The following SUSD6 variants were observed in gnomAD, a reference collection of about 807,000 sequenced individuals.
The protein encoded by SUSD6 is sushi domain-containing protein 6.
A neutral mutation model predicts 28.4 loss-of-function variants in SUSD6; 16 were observed. The ratio of observed to expected loss-of-function variants is 0.56; its 90% CI spans 0.38 to 0.86. The LOEUF (loss-of-function observed/expected upper bound fraction) is 0.86. Among genes scored for constraint, SUSD6 ranks in the 40% least tolerant of loss-of-function variants. The pLI, the probability that SUSD6 is intolerant of heterozygous loss-of-function variation, is 0.00. For missense variants in SUSD6, 341 were observed against 384.2 expected, an observed-to-expected ratio of 0.89 and a Z score of 0.94; for synonymous variants, 147 against 159.6, an observed-to-expected ratio of 0.92 and a Z score of 0.59.
intron 2 of SUSD6, among the ~76,000 whole-genome samples, chr14:69,668,811 G>A (rs1383022487): frequency 6.6e-6 from 1 of 151,868 alleles, no homozygotes; most frequent in African/African-American, 2.4e-5. Flanking sequence ...GAGTTCACAT[G>A]AGATCTGGTG....
intron 2 of SUSD6, among the ~76,000 whole-genome samples, chr14:69,683,779 G>C (rs920651751): frequency 7.2e-5 from 11 of 152,330 alleles, no homozygotes; most frequent in Admixed American, 7.2e-4. Flanking sequence ...ATGTGTTTTG[G>C]GGGGAAGATT....
chr14:69,687,320 A>G (rs1363814235), intron 2 of SUSD6, among the ~76,000 whole-genome samples: 3 of 152,058 alleles, frequency 2.0e-5, no homozygotes, highest in African/African-American at 7.3e-5. Context: ...CGTGTTGGCC[A>G]GGCTGTTCTC....
At chr14:69,649,599 G>A (rs958266342) in intron 1 of SUSD6, among the ~76,000 whole-genome samples, 8 of 151,928 alleles carry the variant, frequency 5.3e-5, no homozygotes, top group South Asian at 2.1e-4. Flanking sequence ...TCATTCACTC[G>A]AGAAGTATTG....
At chr14:69,680,495 C>T (rs74060273) in intron 2 of SUSD6, among the ~76,000 whole-genome samples, 1,564 of 152,284 alleles carry the variant, frequency 0.01, 27 homozygotes, top group African/African-American at 0.035. Context: ...CAGAATAACT[C>T]TCAGAATCTC....
intron 1 of SUSD6, among the ~76,000 whole-genome samples, chr14:69,655,719 G>T (rs906115564): frequency 1.3e-5 from 2 of 152,008 alleles, no homozygotes; most frequent in African/African-American, 4.8e-5. Context: ...AGGATTGCTT[G>T]AGCCCAGAGG....
At chr14:69,700,576 T>G (rs1248929459) in intron 2 of SUSD6, among the ~76,000 whole-genome samples, 2 of 152,180 alleles carry the variant, frequency 1.3e-5, no homozygotes, top group African/African-American at 4.8e-5. Flanking sequence ...TTCTCAGAAG[T>G]TAACCTACAT....
intron 1 of SUSD6, among the ~76,000 whole-genome samples, chr14:69,646,795 A>G (rs549212882): frequency 8.8e-4 from 121 of 137,422 alleles, no homozygotes; most frequent in African/African-American, 3.3e-3. Flanking sequence ...TCTGCTTCCC[A>G]GGTTCACACC....
At chr14:69,629,224 G>A (rs1273666564) in intron 1 of SUSD6, among the ~76,000 whole-genome samples, 1 of 151,840 alleles carries the variant, frequency 6.6e-6, no homozygotes, top group Non-Finnish European at 1.5e-5. Context: ...AAGAGAGGTT[G>A]GGGGTCCCTT....
intron 1 of SUSD6, among the ~76,000 whole-genome samples, chr14:69,636,764 G>A (rs935118350): frequency 1.3e-5 from 2 of 152,236 alleles, no homozygotes; most frequent in African/African-American, 4.8e-5. Flanking sequence ...TGGGTTCTCA[G>A]AACAGACCTA....
intron 1 of SUSD6, among the ~76,000 whole-genome samples, chr14:69,632,274 G>C (rs1885205960): frequency 6.6e-6 from 1 of 152,160 alleles, no homozygotes; most frequent in South Asian, 2.1e-4. Flanking sequence ...GAGTGGCCAG[G>C]TGGAGGGGTC....
chr14:69,685,787 A>G (rs898967209), intron 2 of SUSD6, among the ~76,000 whole-genome samples: 1 of 152,236 alleles, frequency 6.6e-6, no homozygotes. Context: ...AGCAACTCCA[A>G]GCAGTCTGCT....
intron 2 of SUSD6, among the ~76,000 whole-genome samples, chr14:69,702,238 G>T (rs545383824): frequency 2.0e-5 from 3 of 152,180 alleles, no homozygotes; most frequent in Non-Finnish European, 2.9e-5. Flanking sequence ...GAAAACTTTT[G>T]GTCTTTATTG....
intron 2 of SUSD6, among the ~76,000 whole-genome samples, chr14:69,666,357 A>T (rs1431154876): frequency 6.6e-6 from 1 of 152,144 alleles, no homozygotes; most frequent in African/African-American, 2.4e-5. Context: ...CAGAGCTGAT[A>T]TTCCTCAGGG....
At position 69,711,932 on chromosome 14, in the gene SUSD6, G is replaced by A. The variant is rs1376960337; in HGVS notation, c.*953G>A. On this transcript the variant is annotated 3_prime_UTR_variant, in exon 6 of 6. Coordinates refer to ENST00000342745, the MANE Select transcript of SUSD6 (RefSeq NM_014734.4). Reference sequence around the variant, plus strand: ...TTCTTGCTGCCCACAGGGGCCTGGGGCAGGAAGGAGACTTGCTGAGATGCC... The same window carrying A: ...TTCTTGCTGCCCACAGGGGCCTGGGACAGGAAGGAGACTTGCTGAGATGCC... 3 of 152,300 alleles carry A rather than the reference G, an allele frequency of 2.0e-5. No homozygotes were observed. The highest frequency in any genetic ancestry group is 4.4e-5 in the Non-Finnish European group (3 of 68,098). The allele number at this position is 152,300 out of a possible 1,614,324, so 9.4% of individuals were successfully genotyped here. A position where few individuals can be genotyped will look rare whatever the true frequency, so the allele number is the denominator to read the frequency against.
At chr14:69,690,109 G>C (rs1347139087) in intron 2 of SUSD6, among the ~76,000 whole-genome samples, 1 of 152,214 alleles carries the variant, frequency 6.6e-6, no homozygotes, top group African/African-American at 2.4e-5. Context: ...GCTGTCCGAG[G>C]CATTGTCTTC....
In SUSD6 at chr14:69,632,539, A is replaced by G. The variant is rs536692683; in HGVS notation, c.-81+20711A>G. ...CTTCAGTGCAGGACTGTTGAGACGT[A>G]TTTGTCATGATGTGATGGACAAAAG... On this transcript the variant is annotated intron_variant, in intron 1 of 5. Transcript: ENST00000342745. 3.9e-5 allele frequency among the ~76,000 whole-genome samples: 6 copies of G among 152,108 alleles called. No individual in the cohort carries two copies. The East Asian group carries it at 9.7e-4, about 25-fold the overall frequency.
chr14:69,693,311 G>A (rs920352020), intron 2 of SUSD6, among the ~76,000 whole-genome samples: 7 of 151,456 alleles, frequency 4.6e-5, no homozygotes, highest in African/African-American at 1.7e-4. Context: ...GCCCCAGCTG[G>A]CAGCCTGTTT....
At position 69,704,690 on chromosome 14, in the gene SUSD6, G is replaced by A. The variant is rs768572830; in HGVS notation, c.406G>A (p.Val136Met). The stretch of plus-strand genomic sequence containing the variant: ...CTCCGTGGCGCTCATTCTCCTCCTC[G>A]TGGTGCTGTTTGTGCTGCTGCAGCC... Reference protein sequence around the residue: ...ASSVALILLLVVLFVLLQPKL... With the variant: ...ASSVALILLLMVLFVLLQPKL... The change falls in exon 4 of 6, where the codon GTG becomes ATG. Residue 136 changes from valine (V) to methionine (M), a missense_variant. Coordinates refer to ENST00000342745, the MANE Select transcript of SUSD6 (RefSeq NM_014734.4). The A allele has an allele frequency of 5.0e-6, 8 of 1,614,028 alleles. No individual in the cohort carries two copies. Among genetic ancestry groups the A allele is most frequent in the African/African-American group, 2.7e-5 (2 of 74,930 alleles).
intron 1 of SUSD6, among the ~76,000 whole-genome samples, chr14:69,653,043 T>C (rs1203196091): frequency 2.0e-5 from 3 of 152,200 alleles, no homozygotes; most frequent in Non-Finnish European, 4.4e-5. Context: ...AGCCCCATTT[T>C]ACAAATGAGG....
Sources: gnomAD v4.1 joint callset for allele counts (sites outside exome capture counted in the v4.1 genomes callset) on GRCh38, gnomAD v4.1.1 for gene constraint, MANE v1.5 for transcripts, NCBI Gene and HGNC (gene_info 2026-07-23, HGNC 2026-07-21) for gene names.